AIMP2: variants seen among roughly 807,000 people sequenced by gnomAD.
AIMP2 encodes the protein aminoacyl tRNA synthase complex-interacting multifunctional protein 2.
In AIMP2, 20 loss-of-function variants were observed where a neutral mutation model predicts 23.4. The ratio of observed to expected loss-of-function variants is 0.85; its 90% confidence interval spans 0.60 to 1.24. The LOEUF is 1.24. AIMP2 is among the 50% of genes most tolerant of loss of function. The pLI is 0.00. For missense variants in AIMP2, 515 were observed against 414.5 expected (o/e 1.24, Z -2.10); for synonymous variants, 210 against 170.4 (o/e 1.23, Z -1.81).
chr7:6,015,008 C>A, intron 1 of AIMP2, 138 bp from the exon 2 acceptor site: 1 of 1,512,192 alleles, frequency 6.6e-7, no homozygotes, highest in Non-Finnish European at 8.8e-7. Flanking sequence ...GCGTGAGCCA[C>A]CACACCCAGC....
At chr7:6,015,028 C>G in intron 1 of AIMP2, 118 bp from the exon 2 acceptor site, 1 of 1,550,730 alleles carries the variant, frequency 6.4e-7, no homozygotes, top group African/African-American at 1.4e-5. Flanking sequence ...CCCATAATGT[C>G]TTCTTTTAAA....
At chr7:6,012,615 T>C (rs569538548) in intron 1 of AIMP2, 13 of 263,408 alleles carry the variant, frequency 4.9e-5, no homozygotes, top group African/African-American at 2.9e-4. Context: ...TGGAGTGCAA[T>C]GTCGCAATCT....
chr7:6,015,084 A>C, intron 1 of AIMP2, 62 bp from the exon 2 acceptor site: 1 of 1,608,634 alleles, frequency 6.2e-7, no homozygotes, highest in East Asian at 2.2e-5. Context: ...ACAAGTGATC[A>C]AATTTAAACA....
Position 6,023,288 on chromosome 7 carries a change from GT to G in AIMP2, c.575-9del. 1 of 1,575,622 alleles carries G rather than the reference GT, an allele frequency of 6.3e-7. No homozygotes were observed. The highest frequency in any genetic ancestry group is 8.6e-7 in the Non-Finnish European group (1 of 1,164,846). On this transcript the variant is annotated splice_polypyrimidine_tract_variant and intron_variant, in intron 3 of 3. Transcript: ENST00000223029. ...CTGCTCTGGTGATGCTACCTGGCGT[GT>G]TTTTTCTTTTCAGTGCCGAAGACGC...
Position 6,023,565 on chromosome 7 carries a change from G to T in AIMP2, c.837G>T (p.Val279=). ...GGAATGAACTCACCGTAGCAGACGTGGTGCTGTGGTCTGTACTCCAGCAGA... is the reference window on the plus strand; with the variant it reads ...GGAATGAACTCACCGTAGCAGACGTTGTGCTGTGGTCTGTACTCCAGCAGA... ...LAGNELTVAD[V]VLWSVLQQIG... is the part of the protein sequence containing the mutation. Residue 279 remains valine (V), a synonymous_variant, in exon 4 of 4, where the codon GTG becomes GTT. Transcript: ENST00000223029. The T allele has an allele frequency of 6.2e-7, 1 of 1,614,208 alleles. No individual in the cohort carries two copies. The highest frequency in any genetic ancestry group is 8.5e-7 in the Non-Finnish European group (1 of 1,180,046).
rs1314013745 is a variant in AIMP2 at position 6,009,516 on chromosome 7, C to A, written c.135+18C>A. ...ACGTGCAGGTAGGAGCGCGGGGCCC[C>A]CCGCCCAGTGCGCACGCGCGGCGAC... On this transcript the variant is annotated intron_variant, in intron 1 of 3. Coordinates refer to ENST00000223029, the MANE Select transcript of AIMP2 (RefSeq NM_006303.4). 6.8e-7 allele frequency: 1 copy of A among 1,469,352 alleles called. No individual in the cohort carries two copies. Among genetic ancestry groups the A allele is most frequent in the African/African-American group, 1.5e-5 (1 of 67,390 alleles). 91.0% of individuals were successfully genotyped at this position (1,469,352 alleles called of 1,614,324 possible).
chr7:6,014,611 A>G (rs944641933), intron 1 of AIMP2, among the ~76,000 whole-genome samples: 4 of 152,046 alleles, frequency 2.6e-5, no homozygotes, highest in African/African-American at 9.7e-5. Context: ...GACTATGGGG[A>G]AAATGAGATG....
chr7:6,018,990 C>CACACACA (rs767819752), intron 3 of AIMP2, among the ~76,000 whole-genome samples: 4 of 143,612 alleles, frequency 2.8e-5, no homozygotes, highest in African/African-American at 1.0e-4. Flanking sequence ...CACACACACA[C>CACACACA]AATACATGGC....
intron 1 of AIMP2, among the ~76,000 whole-genome samples, chr7:6,009,974 A>AAAAAATATATATATATATATAT: frequency 2.2e-4 from 6 of 26,670 alleles, no homozygotes; most frequent in Non-Finnish European, 3.4e-4. Flanking sequence ...AAAAAAAAAA[A>AAAAAATATATATATATATATAT]ATATATATAT....
chr7:6,017,522 C>CA (rs58136223), intron 2 of AIMP2, among the ~76,000 whole-genome samples: 23,473 of 126,930 alleles, frequency 0.18, 2,079 homozygotes, highest in East Asian at 0.32. Flanking sequence ...GACTCTGTCT[C>CA]AAAAAAAAAA....
chr7:6,017,915 C>T lies in AIMP2; in HGVS notation c.444C>T (p.Val148=), dbSNP rs1583457600. 6.2e-7 allele frequency: 1 copy of T among 1,614,098 alleles called. No homozygotes were observed. The highest frequency in any genetic ancestry group is 1.7e-5 in the Admixed American group (1 of 59,998). ...GGCTGCTCTGTGAGCACTTCAGGGTCCTGTCCACGGTGCACACGCACTCCT... is the reference window on the plus strand; with the variant it reads ...GGCTGCTCTGTGAGCACTTCAGGGTTCTGTCCACGGTGCACACGCACTCCT... ...LHRLLCEHFR[V]LSTVHTHSSV... Residue 148 remains valine (V), a synonymous_variant, in exon 3 of 4, where the codon GTC becomes GTT. Coordinates refer to ENST00000223029, the MANE Select transcript of AIMP2 (RefSeq NM_006303.4).
chr7:6,017,751 G>A (rs1436514565), intron 2 of AIMP2, 63 bp from the exon 3 acceptor site: 46 of 1,455,960 alleles, frequency 3.2e-5, no homozygotes, highest in Admixed American at 4.1e-5. Flanking sequence ...TCTTAGACTC[G>A]CGCCCGGCAC....
In AIMP2 at chr7:6,015,130, C is replaced by A; in HGVS notation, c.136-16C>A. The A allele has an allele frequency of 6.2e-7, 1 of 1,613,902 alleles. No homozygotes were observed. Among genetic ancestry groups the A allele is most frequent in the Non-Finnish European group, 8.5e-7 (1 of 1,179,896 alleles). ...GATGGGAGAGGAAATGAACATTTGG[C>A]TGTTGGTTTGTTTAGGAAGAGTCTA... On this transcript the variant is annotated splice_polypyrimidine_tract_variant and intron_variant, in intron 1 of 3. Coordinates refer to ENST00000223029, the MANE Select transcript of AIMP2 (RefSeq NM_006303.4).
chr7:6,023,697 CGT>C lies in AIMP2; in HGVS notation c.*7_*8del, dbSNP rs755957474. ...CCCTCAAGCTCCTTAAGTGAATTGCCGTAACTGATTTTAAAGGGTTTAGATTT... is the reference window on the plus strand; with the variant it reads ...CCCTCAAGCTCCTTAAGTGAATTGCCAACTGATTTTAAAGGGTTTAGATTT... On this transcript the variant is annotated 3_prime_UTR_variant, in exon 4 of 4. Transcript: ENST00000223029. 7 of 1,613,930 alleles carry C rather than the reference CGT, an allele frequency of 4.3e-6. No individual in the cohort carries two copies. In the South Asian group the frequency reaches 6.6e-5, roughly 15 times the overall value.
chr7:6,018,150 T>C (rs1023027808), intron 3 of AIMP2, 105 bp downstream of exon 3: 66 of 620,282 alleles, frequency 1.1e-4, no homozygotes, highest in South Asian at 6.2e-4. Context: ...CTTTTTCTTT[T>C]TTTTTTTTTT....
rs748333627 is a variant in AIMP2, at chr7:6,009,328, T to TA, written c.-36_-35insA. 2 of 1,611,548 alleles carry TA rather than the reference T, an allele frequency of 1.2e-6. No individual in the cohort carries two copies. The highest frequency in any genetic ancestry group is 2.7e-5 in the African/African-American group (2 of 74,884). ...TCTGACGGTTTCTGAGCGTTGGCCT[T>TA]TGGCACGCGCTACCCCCTTTTGCTT... On this transcript the variant is annotated 5_prime_UTR_variant, in exon 1 of 4. It adds an upstream start codon to the 5' untranslated region. Coordinates refer to ENST00000223029, the MANE Select transcript of AIMP2 (RefSeq NM_006303.4).
chr7:6,020,885 T>C (rs1787353964), intron 3 of AIMP2, among the ~76,000 whole-genome samples: 1 of 152,212 alleles, frequency 6.6e-6, no homozygotes, highest in South Asian at 2.1e-4. Context: ...GCTGTGTTTA[T>C]GATCAGGCGA....
chr7:6,016,108 C>G (rs576061326), intron 2 of AIMP2, among the ~76,000 whole-genome samples: 1 of 152,300 alleles, frequency 6.6e-6, no homozygotes, highest in East Asian at 1.9e-4. Context: ...CCTACCCATC[C>G]TTTTGAAATG....
In AIMP2 at chr7:6,015,306, C is replaced by T. The variant is rs745450651; in HGVS notation, c.296C>T (p.Thr99Met). Residue 99 changes from threonine to methionine, a missense_variant, in exon 2 of 4, where the codon ACG (threonine) becomes ATG (methionine). Physicochemically the swap from Thr to Met is moderately conservative, Grantham distance 81 (BLOSUM62 -1). Coordinates refer to ENST00000223029, the MANE Select transcript of AIMP2 (RefSeq NM_006303.4). ...VTNIIQADEP[T>M]TLTTNALDLN... Reference sequence around the variant, plus strand: ...AACATAATCCAAGCGGATGAGCCCACGACTTTAACCACCAATGCGCTGGAC... The same window carrying T: ...AACATAATCCAAGCGGATGAGCCCATGACTTTAACCACCAATGCGCTGGAC... The T allele has an allele frequency of 6.8e-6, 11 of 1,614,156 alleles. No homozygotes were observed. The highest frequency in any genetic ancestry group is 6.7e-5 in the Admixed American group (4 of 60,020).
Sources: gnomAD v4.1 joint callset for allele counts (sites outside exome capture counted in the v4.1 genomes callset) on GRCh38, gnomAD v4.1.1 for gene constraint, MANE v1.5 for transcripts, NCBI Gene and HGNC (gene_info 2026-07-23, HGNC 2026-07-21) for gene names.